ZNF212: variants seen among roughly 807,000 people sequenced by gnomAD.
ZNF212 encodes Zinc finger protein C2H2-150.
Under a neutral mutation model 47.3 loss-of-function variants are expected in ZNF212, and 32 were observed. The ratio of observed to expected loss-of-function variants is 0.68; its 90% confidence interval spans 0.51 to 0.91. The LOEUF (loss-of-function observed/expected upper bound fraction) is 0.91. ZNF212 is among the 40% of genes least tolerant of loss of function. ZNF212 has a pLI of 0.00. For synonymous variants in ZNF212, 242 were observed against 253.8 expected, an observed-to-expected ratio of 0.95 and a Z score of 0.44; for missense variants, 555 against 622.8, an observed-to-expected ratio of 0.89 and a Z score of 1.16.
At chr7:149,239,968 C>A (rs1358189829) in intron 1 of ZNF212, 166 bp downstream of exon 1, 2 of 781,768 alleles carry the variant, frequency 2.6e-6, no homozygotes, top group South Asian at 5.7e-5. Flanking sequence ...AGTGCTCTGC[C>A]CTTTTTTCCC....
chr7:149,248,262 G>A (rs1426271029), intron 1 of ZNF212, among the ~76,000 whole-genome samples: 3 of 152,058 alleles, frequency 2.0e-5, no homozygotes, highest in Admixed American at 2.0e-4. Context: ...GTGTGTCTGC[G>A]TCTAAAGGTC....
intron 1 of ZNF212, among the ~76,000 whole-genome samples, chr7:149,240,324 G>A (rs1357193506): frequency 1.3e-5 from 2 of 151,942 alleles, no homozygotes; most frequent in East Asian, 3.9e-4. Context: ...GGGGACGGAT[G>A]TTATCTACAG....
rs1796796972 is a variant in ZNF212 at position 149,253,957 on chromosome 7, T to G, written c.1030T>G (p.Cys344Gly). The G allele has an allele frequency of 6.2e-7, 1 of 1,613,946 alleles. No individual in the cohort carries two copies. Among genetic ancestry groups the G allele is most frequent in the East Asian group, 2.2e-5 (1 of 44,878 alleles). ...HLRSHSGWGSCTPEEPEESLR... is the reference protein window; with the variant it reads ...HLRSHSGWGSGTPEEPEESLR... Reference sequence around the variant, plus strand: ...GCGCAGCCACTCTGGGTGGGGGTCTTGTACACCTGAGGAGCCAGAGGAGAG... The same window carrying G: ...GCGCAGCCACTCTGGGTGGGGGTCTGGTACACCTGAGGAGCCAGAGGAGAG... Residue 344 changes from cysteine to glycine, a missense_variant, in exon 5 of 5, where the codon TGT (cysteine) becomes GGT (glycine). Coordinates refer to ENST00000335870, the MANE Select transcript of ZNF212 (RefSeq NM_012256.4).
chr7:149,254,332 C>T lies in ZNF212; in HGVS notation c.1405C>T (p.His469Tyr). ...ECEKSFVQKQ[H>Y]LLQHQKIHQR... is the part of the protein sequence containing the mutation. ...TGAGAAGAGCTTTGTCCAGAAGCAG[C>T]ACCTCCTGCAGCACCAGAAGATCCA... Residue 469 changes from histidine to tyrosine, a missense_variant, in exon 5 of 5, where the codon CAC becomes TAC. Transcript: ENST00000335870. This position sits in a 1 kb window ranked among gnomAD's most constrained non-coding sequence, Gnocchi z 4.5. The T allele has an allele frequency of 6.2e-7, 1 of 1,612,896 alleles. No individual in the cohort carries two copies. The highest frequency in any genetic ancestry group is 8.5e-7 in the Non-Finnish European group (1 of 1,180,042).
chr7:149,250,316 G>A lies in ZNF212; in HGVS notation c.182G>A (p.Arg61Gln), dbSNP rs542319328. The change falls in exon 2 of 5, where the codon CGG becomes CAG. Residue 61 changes from arginine to glutamine, a missense_variant. Transcript: ENST00000335870. ...VEKKMESQAA[R>Q]LQSLEGRTGT... ...AAGAAGATGGAGTCCCAGGCTGCCC[G>A]GCTACAGAGCCTGGAGGGGCGCACG... The A allele has an allele frequency of 3.0e-5, 49 of 1,613,972 alleles. No homozygotes were observed. Among genetic ancestry groups the A allele is most frequent in the South Asian group, 4.4e-5 (4 of 91,072 alleles).
rs368477620 is a variant in ZNF212, at chr7:149,254,392, G to C, written c.1465G>C (p.Gly489Arg). 1 of 1,603,146 alleles carries C rather than the reference G, an allele frequency of 6.2e-7. No individual in the cohort carries two copies. Among genetic ancestry groups the C allele is most frequent in the African/African-American group, 1.3e-5 (1 of 74,926 alleles). ...GCGGGGTGGGCTGGCCCTGGAGCCCGGAAGGCCCAATGGCCTGCTTTAAGG... is the reference window on the plus strand; with the variant it reads ...GCGGGGTGGGCTGGCCCTGGAGCCCCGAAGGCCCAATGGCCTGCTTTAAGG... Reference protein sequence around the residue: ...RERGGLALEPGRPNGLL With the variant: ...RERGGLALEPRRPNGLL Residue 489 changes from glycine to arginine, a missense_variant, in exon 5 of 5, where the codon GGA becomes CGA. By Grantham distance (125) the Gly-to-Arg change is moderately radical. Transcript: ENST00000335870. This position sits in a 1 kb window ranked among gnomAD's most constrained non-coding sequence, Gnocchi z 4.5.
chr7:149,239,828 C>G, intron 1 of ZNF212, 26 bp downstream of exon 1: 1 of 1,268,338 alleles, frequency 7.9e-7, no homozygotes, highest in Non-Finnish European at 1.0e-6. Context: ...CGCGCTGGCT[C>G]GAGGGCGCGT....
chr7:149,252,995 C>T (rs1356090319), intron 4 of ZNF212, among the ~76,000 whole-genome samples, 200 bp downstream of exon 4: 9 of 152,090 alleles, frequency 5.9e-5, no homozygotes, highest in Non-Finnish European at 1.2e-4. Context: ...TTAAGACTAA[C>T]GGCCACATCA....
intron 1 of ZNF212, among the ~76,000 whole-genome samples, chr7:149,240,729 G>A (rs188937380): frequency 4.2e-4 from 64 of 152,322 alleles, no homozygotes; most frequent in Middle Eastern, 3.4e-3. Context: ...GACTTTTAAT[G>A]AAGTGTTCCT....
Position 149,254,541 on chromosome 7 carries a change from G to A in ZNF212, c.*126G>A. On this transcript the variant is annotated 3_prime_UTR_variant, in exon 5 of 5. Coordinates refer to ENST00000335870, the MANE Select transcript of ZNF212 (RefSeq NM_012256.4). The surrounding 1 kb of genome is among the most constrained non-coding windows in gnomAD (Gnocchi z 4.5). ...TTTGTGATTGCCTTCCCTTGTCCCA[G>A]TACCAAGCCAAGCCCAAAGGCTGTC... 2 of 1,375,150 alleles carry A rather than the reference G, an allele frequency of 1.5e-6. No individual in the cohort carries two copies. Among genetic ancestry groups the A allele is most frequent in the Non-Finnish European group, 1.9e-6 (2 of 1,043,378 alleles). 85.2% of individuals were successfully genotyped at this position (1,375,150 alleles called of 1,614,324 possible). A position where few individuals can be genotyped will look rare whatever the true frequency, so the allele number is the denominator to read the frequency against.
At chr7:149,247,094 G>A (rs1270078441) in intron 1 of ZNF212, among the ~76,000 whole-genome samples, 1 of 151,386 alleles carries the variant, frequency 6.6e-6, no homozygotes. Flanking sequence ...TTTTAGGTGT[G>A]AGCCACCATG....
rs1255244928 is a variant in ZNF212 at position 149,250,773 on chromosome 7, G to T, written c.507G>T (p.Val169=). Residue 169 remains valine, a synonymous_variant, in exon 3 of 5, where the codon GTG becomes GTT. Coordinates refer to ENST00000335870, the MANE Select transcript of ZNF212 (RefSeq NM_012256.4). ...EDWQKELYRN[V]MESNYETLVS... ...GGCAGAAGGAGCTCTACAGAAACGT[G>T]ATGGAGAGTAACTATGAGACACTGG... 6.2e-7 allele frequency: 1 copy of T among 1,614,242 alleles called. No individual in the cohort carries two copies. Among genetic ancestry groups the T allele is most frequent in the Admixed American group, 1.7e-5 (1 of 60,024 alleles).
At position 149,254,212 on chromosome 7, in the gene ZNF212, T is replaced by C. The variant is rs1160394416; in HGVS notation, c.1285T>C (p.Cys429Arg). ...GAGGAAAAGCCGGAGTTCCCTCATC[T>C]GTGGTTACTGTGGCAAGAGCTTCAG... Reference protein sequence around the residue: ...PWRKSRSSLICGYCGKSFSHP... With the variant: ...PWRKSRSSLIRGYCGKSFSHP... The change falls in exon 5 of 5, where the codon TGT becomes CGT. Residue 429 changes from cysteine (C) to arginine (R), a missense_variant. Coordinates refer to ENST00000335870, the MANE Select transcript of ZNF212 (RefSeq NM_012256.4). This position sits in a 1 kb window ranked among gnomAD's most constrained non-coding sequence, Gnocchi z 4.5. 6.2e-7 allele frequency: 1 copy of C among 1,614,150 alleles called. No homozygotes were observed. The highest frequency in any genetic ancestry group is 8.5e-7 in the Non-Finnish European group (1 of 1,180,050).
Position 149,253,907 on chromosome 7 carries a change from A to G in ZNF212, c.980A>G (p.Tyr327Cys), listed in dbSNP as rs879693890. ...ECSECEITFR[Y>C]KQQLATHLRS... ...TCTGAGTGTGAGATCACCTTCCGCT[A>G]TAAGCAGCAGCTGGCCACACATCTG... The change falls in exon 5 of 5, where the codon TAT becomes TGT. Residue 327 changes from tyrosine (Y) to cysteine (C), a missense_variant. Coordinates refer to ENST00000335870, the MANE Select transcript of ZNF212 (RefSeq NM_012256.4). 12 of 1,613,928 alleles carry G rather than the reference A, an allele frequency of 7.4e-6. No homozygotes were observed. The highest frequency in any genetic ancestry group is 6.7e-5 in the African/African-American group (5 of 74,924).
intron 1 of ZNF212, among the ~76,000 whole-genome samples, chr7:149,242,352 CAAAA>C (rs200276596): frequency 1.5e-5 from 2 of 133,854 alleles, no homozygotes; most frequent in African/African-American, 2.7e-5. Context: ...TAAAAGCAAC[CAAAA>C]AAAAAAAAGA....
At chr7:149,251,821 T>G (rs1296174006) in intron 3 of ZNF212, among the ~76,000 whole-genome samples, 1 of 151,756 alleles carries the variant, frequency 6.6e-6, no homozygotes, top group Non-Finnish European at 1.5e-5. Flanking sequence ...TAAGACTATT[T>G]GAGATGGGTG....
Position 149,250,326 on chromosome 7 carries a change from C to A in ZNF212, c.192C>A (p.Ser64Arg). Residue 64 changes from serine to arginine, a missense_variant, in exon 2 of 5, where the codon AGC becomes AGA. Coordinates refer to ENST00000335870, the MANE Select transcript of ZNF212 (RefSeq NM_012256.4). Reference protein sequence around the residue: ...KMESQAARLQSLEGRTGTAEK... With the variant: ...KMESQAARLQRLEGRTGTAEK... ...AGTCCCAGGCTGCCCGGCTACAGAG[C>A]CTGGAGGGGCGCACGGGGACAGCCG... 6.2e-7 allele frequency: 1 copy of A among 1,613,952 alleles called. No individual in the cohort carries two copies. The highest frequency in any genetic ancestry group is 8.5e-7 in the Non-Finnish European group (1 of 1,180,024).
At position 149,250,302 on chromosome 7, in the gene ZNF212, G is replaced by A. The variant is rs1466366195; in HGVS notation, c.168G>A (p.Glu56=). The change falls in exon 2 of 5, where the codon GAG becomes GAA. Residue 56 remains glutamate (E), a synonymous_variant. Coordinates refer to ENST00000335870, the MANE Select transcript of ZNF212 (RefSeq NM_012256.4). ...TTCAGGCTGTGGAGAAGAAGATGGAGTCCCAGGCTGCCCGGCTACAGAGCC... is the reference window on the plus strand; with the variant it reads ...TTCAGGCTGTGGAGAAGAAGATGGAATCCCAGGCTGCCCGGCTACAGAGCC... ...AAIQAVEKKM[E]SQAARLQSLE... is the part of the protein sequence containing the mutation. 1.2e-6 allele frequency: 2 copies of A among 1,613,852 alleles called. No individual in the cohort carries two copies. Among genetic ancestry groups the A allele is most frequent in the Non-Finnish European group, 1.7e-6 (2 of 1,179,998 alleles).
At chr7:149,239,912 G>C in intron 1 of ZNF212, 110 bp downstream of exon 1, 1 of 1,206,998 alleles carries the variant, frequency 8.3e-7, no homozygotes. Context: ...GTTTCCCGGG[G>C]CTGCCGTTGG....
Sources: gnomAD v4.1 joint callset for allele counts (sites outside exome capture counted in the v4.1 genomes callset) on GRCh38, gnomAD v4.1.1 for gene constraint, Gnocchi (gnomAD v3.1) non-coding constraint, MANE v1.5 for transcripts, NCBI Gene and HGNC (gene_info 2026-07-23, HGNC 2026-07-21) for gene names.